MOGAT1: variants seen among roughly 807,000 people sequenced by gnomAD.
MOGAT1 encodes 2-acylglycerol O-acyltransferase 1.
A neutral mutation model predicts 31.4 loss-of-function variants in MOGAT1; 32 were observed. That is an observed-to-expected ratio of 1.02 (90% CI 0.77 to 1.37). The LOEUF (loss-of-function observed/expected upper bound fraction) is 1.37. Among genes scored for constraint, MOGAT1 ranks in the 40% most tolerant of loss-of-function variants. MOGAT1 has a pLI of 0.00. For synonymous variants in MOGAT1, 145 were observed against 144.5 expected, an observed-to-expected ratio of 1.00 and a Z score of -0.03; for missense variants, 426 against 402.0, an observed-to-expected ratio of 1.06 and a Z score of -0.51.
intron 1 of MOGAT1, among the ~76,000 whole-genome samples, chr2:222,672,563 T>G (rs148512191): frequency 0.011 from 1,696 of 152,170 alleles, 26 homozygotes; most frequent in African/African-American, 0.039. Context: ...TTTCTTTTTG[T>G]TTTTTGTTTT....
chr2:222,683,205 G>GAA (rs34380001), intron 1 of MOGAT1, among the ~76,000 whole-genome samples: 132 of 133,896 alleles, frequency 9.9e-4, no homozygotes, highest in African/African-American at 2.4e-3. Flanking sequence ...CCCTGTCTCA[G>GAA]AAAAAAAAAA....
intron 1 of MOGAT1, among the ~76,000 whole-genome samples, chr2:222,680,244 A>T (rs10184444): frequency 0.014 from 2,142 of 152,202 alleles, 53 homozygotes; most frequent in African/African-American, 0.049. Flanking sequence ...TTTATTATGG[A>T]TTATCTCCAT....
intron 4 of MOGAT1, among the ~76,000 whole-genome samples, 169 bp downstream of exon 4, chr2:222,694,705 C>G (rs937172736): frequency 5.3e-5 from 8 of 152,304 alleles, no homozygotes; most frequent in African/African-American, 1.9e-4. Flanking sequence ...CTTTTTACTA[C>G]AGTAGCTCAA....
At chr2:222,684,019 T>C (rs1297232711) in intron 1 of MOGAT1, among the ~76,000 whole-genome samples, 1 of 152,238 alleles carries the variant, frequency 6.6e-6, no homozygotes. Context: ...CAGATTACCC[T>C]GAATTGCTTA....
intron 3 of MOGAT1, among the ~76,000 whole-genome samples, chr2:222,690,091 CA>C (rs1226836155): frequency 6.6e-6 from 1 of 151,996 alleles, no homozygotes; most frequent in South Asian, 2.1e-4. Context: ...CCTGTCTCTA[CA>C]AAAAATGCAA....
chr2:222,706,275 C>T (rs564569528), intron 5 of MOGAT1, among the ~76,000 whole-genome samples: 1 of 152,062 alleles, frequency 6.6e-6, no homozygotes, highest in South Asian at 2.1e-4. Context: ...GAGTTTGAGA[C>T]CAGCCTGACC....
At chr2:222,692,936 G>A (rs776647758) in intron 3 of MOGAT1, among the ~76,000 whole-genome samples, 1 of 152,176 alleles carries the variant, frequency 6.6e-6, no homozygotes, top group African/African-American at 2.4e-5. Flanking sequence ...CTTGACCTCA[G>A]TGAAGGTTCA....
At chr2:222,679,401 T>C (rs1692547122) in intron 1 of MOGAT1, among the ~76,000 whole-genome samples, 2 of 152,228 alleles carry the variant, frequency 1.3e-5, no homozygotes, top group South Asian at 4.1e-4. Context: ...CCATATGCAT[T>C]TTAGGATCAG....
chr2:222,689,907 A>C (rs1228865769), intron 3 of MOGAT1, among the ~76,000 whole-genome samples: 1 of 152,220 alleles, frequency 6.6e-6, no homozygotes, highest in Non-Finnish European at 1.5e-5. Context: ...GCAGTGATAA[A>C]ACTAAGCATA....
chr2:222,679,173 C>T (rs1244961756), intron 1 of MOGAT1, among the ~76,000 whole-genome samples: 1 of 152,136 alleles, frequency 6.6e-6, no homozygotes, highest in African/African-American at 2.4e-5. Context: ...TGCCCTTGTG[C>T]CTTTATCAAA....
intron 5 of MOGAT1, among the ~76,000 whole-genome samples, chr2:222,700,554 T>C (rs912591821): frequency 6.6e-6 from 1 of 152,226 alleles, no homozygotes; most frequent in African/African-American, 2.4e-5. Flanking sequence ...AAGCTAAGAA[T>C]ATGTTTTGTA....
chr2:222,706,471 T>TAAA (rs11455554), intron 5 of MOGAT1, among the ~76,000 whole-genome samples: 79 of 139,848 alleles, frequency 5.6e-4, no homozygotes, highest in African/African-American at 1.9e-3. Context: ...AAACTCTGTA[T>TAAA]AAAAAAAAAA....
chr2:222,703,414 G>T (rs1386849576), intron 5 of MOGAT1, among the ~76,000 whole-genome samples: 5 of 151,696 alleles, frequency 3.3e-5, no homozygotes, highest in African/African-American at 2.4e-5. Flanking sequence ...TTTGTTTTTT[G>T]TTTGTTTGTT....
chr2:222,684,527 A>G (rs952152450), intron 1 of MOGAT1, among the ~76,000 whole-genome samples: 1 of 152,172 alleles, frequency 6.6e-6, no homozygotes. Flanking sequence ...GGATAGCAAA[A>G]TATCAAAGTG....
intron 5 of MOGAT1, chr2:222,698,600 G>A (rs1333914772): frequency 6.6e-6 from 1 of 152,160 alleles, no homozygotes; most frequent in East Asian, 1.9e-4. Flanking sequence ...CTCTGTTGTT[G>A]GTAGTCGCAG....
chr2:222,677,705 CT>C, intron 1 of MOGAT1: 2 of 420,828 alleles, frequency 4.8e-6, no homozygotes, highest in South Asian at 4.0e-5. Flanking sequence ...CCTTTCTTGT[CT>C]TTTTCTTTCC....
intron 3 of MOGAT1, among the ~76,000 whole-genome samples, chr2:222,694,031 G>A (rs898736155): frequency 1.4e-4 from 21 of 152,196 alleles, no homozygotes; most frequent in Middle Eastern, 6.8e-3. Context: ...CAACTCCAGG[G>A]GCAGGGGATC....
In MOGAT1 at chr2:222,709,741, C is replaced by G. The variant is rs759956665; in HGVS notation, c.859C>G (p.Arg287Gly). 3.7e-6 allele frequency: 6 copies of G among 1,611,598 alleles called. No individual in the cohort carries two copies. The highest frequency in any genetic ancestry group is 5.1e-6 in the Non-Finnish European group (6 of 1,179,004). Residue 287 changes from arginine to glycine, a missense_variant, in exon 6 of 6, where the codon CGC becomes GGC. Physicochemically the swap from Arg to Gly is moderately radical, Grantham distance 125 (BLOSUM62 -2). Transcript: ENST00000446656. ...YRKAIHTVVGRPIPVRQTLNP... is the reference protein window; with the variant it reads ...YRKAIHTVVGGPIPVRQTLNP... ...ATGTATTCCCTGATTTGCAGTTGGCCGCCCGATCCCTGTTCGTCAGACTCT... is the reference window on the plus strand; with the variant it reads ...ATGTATTCCCTGATTTGCAGTTGGCGGCCCGATCCCTGTTCGTCAGACTCT...
At chr2:222,702,980 T>A (rs1027955005) in intron 5 of MOGAT1, among the ~76,000 whole-genome samples, 1 of 152,148 alleles carries the variant, frequency 6.6e-6, no homozygotes, top group Non-Finnish European at 1.5e-5. Context: ...ACAAACATGG[T>A]GTTGTAGCGG....
Sources: gnomAD v4.1 joint callset for allele counts (sites outside exome capture counted in the v4.1 genomes callset) on GRCh38, gnomAD v4.1.1 for gene constraint, MANE v1.5 for transcripts, NCBI Gene and HGNC (gene_info 2026-07-23, HGNC 2026-07-21) for gene names.